Variants in ARMC8 observed in about 807,000 individuals in gnomAD.
ARMC8 encodes the protein armadillo repeat-containing protein 8.
A neutral mutation model predicts 99.3 loss-of-function variants in ARMC8; 20 were observed. That is an observed-to-expected ratio of 0.20 (90% CI 0.14 to 0.29). The LOEUF is 0.29. Among genes scored for constraint, ARMC8 ranks in the 10% least tolerant of loss-of-function variants. ARMC8 has a pLI of 1.00. For synonymous variants in ARMC8, 263 were observed against 278.3 expected (o/e 0.95, Z 0.55); for missense variants, 569 against 809.5 (o/e 0.70, Z 3.60).
intron 2 of ARMC8, 32 bp from the exon 3 acceptor site, chr3:138,221,894 A>T: frequency 6.5e-7 from 1 of 1,544,808 alleles, no homozygotes; most frequent in Non-Finnish European, 8.9e-7. Flanking sequence ...TGCTGTCTCA[A>T]CATACTTTAT....
At chr3:138,189,740 T>G (rs758719368) in intron 1 of ARMC8, among the ~76,000 whole-genome samples, 2 of 152,230 alleles carry the variant, frequency 1.3e-5, no homozygotes, top group Non-Finnish European at 2.9e-5. Context: ...TCATTGATTT[T>G]CCTGTACCCT....
intron 18 of ARMC8, among the ~76,000 whole-genome samples, chr3:138,283,992 A>G (rs2050170752): frequency 6.6e-6 from 1 of 152,336 alleles, no homozygotes; most frequent in Admixed American, 6.5e-5. Flanking sequence ...GAGGCCTAGG[A>G]AAGGGAGGCT....
Position 138,235,126 on chromosome 3 carries a change from A to G in ARMC8, c.609+12A>G, listed in dbSNP as rs772588208. The G allele has an allele frequency of 6.3e-7, 1 of 1,598,150 alleles. No homozygotes were observed. Among genetic ancestry groups the G allele is most frequent in the Non-Finnish European group, 8.6e-7 (1 of 1,166,194 alleles). ...CACTGTCCTACAAAGTAAGATGTTAAAAATTGTGGCCAGATTTGTATACCT... is the reference window on the plus strand; with the variant it reads ...CACTGTCCTACAAAGTAAGATGTTAGAAATTGTGGCCAGATTTGTATACCT... On this transcript the variant is annotated intron_variant, in intron 7 of 21. Transcript: ENST00000469044.
Position 138,205,060 on chromosome 3 carries a change from C to CTTTTTTT in ARMC8, c.46-4737_46-4731dup, listed in dbSNP as rs71146118. Among the ~76,000 whole-genome samples, 212 of 93,230 alleles carry CTTTTTTT rather than the reference C, an allele frequency of 2.3e-3. 13 individuals are homozygous for CTTTTTTT. Among genetic ancestry groups the CTTTTTTT allele is most frequent in the African/African-American group, 7.7e-3 (175 of 22,588 alleles). 61.2% of individuals were successfully genotyped at this position (93,230 alleles called of 152,430 possible). A position where few individuals can be genotyped will look rare whatever the true frequency, so the allele number is the denominator to read the frequency against. ...AACTCAGTCTCTTTTCTTTTCTTTTCTTTTTTTTTTTTTTTTTTTTTTTTT... is the reference window on the plus strand; with the variant it reads ...AACTCAGTCTCTTTTCTTTTCTTTTCTTTTTTTTTTTTTTTTTTTTTTTTTTTTTTTT... On this transcript the variant is annotated intron_variant, in intron 1 of 21. Coordinates refer to ENST00000469044, the MANE Select transcript of ARMC8 (RefSeq NM_001363941.2).
chr3:138,242,132 T>G lies in ARMC8; in HGVS notation c.1038+149T>G, dbSNP rs2046655562. The G allele has an allele frequency of 1.0e-5, 7 of 669,038 alleles. No individual in the cohort carries two copies. In the South Asian group the frequency reaches 1.4e-4, roughly 13 times the overall value. 41.4% of individuals were successfully genotyped at this position (669,038 alleles called of 1,614,324 possible). A position where few individuals can be genotyped will look rare whatever the true frequency, so the allele number is the denominator to read the frequency against. Reference sequence around the variant, plus strand: ...TTTGGTAACATAGATAATATTGCTTTGTGAATTTTTGAATCCAAGTTGTTT... The same window carrying G: ...TTTGGTAACATAGATAATATTGCTTGGTGAATTTTTGAATCCAAGTTGTTT... On this transcript the variant is annotated intron_variant, in intron 11 of 21. Transcript: ENST00000469044.
At chr3:138,290,699 T>C (rs999627142) in intron 21 of ARMC8, 60 bp downstream of exon 21, 23 of 1,113,116 alleles carry the variant, frequency 2.1e-5, no homozygotes, top group Middle Eastern at 2.0e-4. Context: ...CGTGAAAGGG[T>C]TTGAATTGCT....
chr3:138,291,557 T>C (rs1488157829), intron 21 of ARMC8, among the ~76,000 whole-genome samples: 1 of 152,148 alleles, frequency 6.6e-6, no homozygotes, highest in Non-Finnish European at 1.5e-5. Flanking sequence ...CATTCTAGTA[T>C]AGAAGATAGA....
rs756015440 is a variant in ARMC8, at chr3:138,274,435, C to G, written c.1630-14C>G. On this transcript the variant is annotated splice_polypyrimidine_tract_variant and intron_variant, in intron 17 of 21. Transcript: ENST00000469044. ...TGTTTCTTTGATAATTATGGATTTC[C>G]CATTGTTTTACAGCATATAGATAAA... 1.3e-6 allele frequency: 2 copies of G among 1,515,604 alleles called. No homozygotes were observed. Among genetic ancestry groups the G allele is most frequent in the Non-Finnish European group, 1.8e-6 (2 of 1,096,294 alleles). 93.9% of individuals were successfully genotyped at this position (1,515,604 alleles called of 1,614,324 possible).
At chr3:138,279,113 C>T (rs1404104037) in intron 18 of ARMC8, among the ~76,000 whole-genome samples, 1 of 152,178 alleles carries the variant, frequency 6.6e-6, no homozygotes, top group African/African-American at 2.4e-5. Context: ...GAAAAGCACT[C>T]AGTCTTTCAC....
At chr3:138,248,510 G>A (rs2046981827) in intron 12 of ARMC8, among the ~76,000 whole-genome samples, 1 of 152,204 alleles carries the variant, frequency 6.6e-6, no homozygotes, top group Admixed American at 6.5e-5. Flanking sequence ...ATTAAAAATG[G>A]AAGAAGTTAA....
At chr3:138,204,178 C>T (rs1576603672) in intron 1 of ARMC8, among the ~76,000 whole-genome samples, 1 of 152,262 alleles carries the variant, frequency 6.6e-6, no homozygotes, top group Middle Eastern at 3.4e-3. Flanking sequence ...ATTGCAACCT[C>T]CGCCTCTGTG....
chr3:138,292,320 G>A (rs144637835), intron 21 of ARMC8, among the ~76,000 whole-genome samples: 192 of 152,344 alleles, frequency 1.3e-3, no homozygotes, highest in African/African-American at 4.4e-3. Context: ...GATGACAGGC[G>A]TGAGCCACCA....
At chr3:138,206,605 G>C (rs990211401) in intron 1 of ARMC8, among the ~76,000 whole-genome samples, 1 of 152,082 alleles carries the variant, frequency 6.6e-6, no homozygotes, top group Non-Finnish European at 1.5e-5. Context: ...CTTTTTAGAC[G>C]TTCTTTCTCT....
intron 5 of ARMC8, among the ~76,000 whole-genome samples, chr3:138,225,172 A>G (rs1312547453): frequency 6.8e-6 from 1 of 146,664 alleles, no homozygotes; most frequent in Non-Finnish European, 1.5e-5. Context: ...CAGTGGAGGA[A>G]TCTCGGCCCT....
At chr3:138,201,261 A>G in intron 1 of ARMC8, among the ~76,000 whole-genome samples, 1 of 322 alleles carries the variant, frequency 3.1e-3, no homozygotes, top group African/African-American at 0.015. Flanking sequence ...TAGCTGTTTA[A>G]ATATTTTCTT....
chr3:138,234,979 A>G, intron 6 of ARMC8, 55 bp from the exon 7 acceptor site: 2 of 1,406,994 alleles, frequency 1.4e-6, no homozygotes, highest in South Asian at 2.3e-5. Flanking sequence ...ATGTGGTTTT[A>G]TTGGAATGAG....
rs71146121 is a variant in ARMC8, at chr3:138,256,402, C to CTTTTTTTTT, written c.1135-7320_1135-7312dup. Among the ~76,000 whole-genome samples, 66 of 90,274 alleles carry CTTTTTTTTT rather than the reference C, an allele frequency of 7.3e-4. 4 individuals carry two copies. The highest frequency in any genetic ancestry group is 2.5e-3 in the African/African-American group (56 of 22,048). 59.2% of individuals were successfully genotyped at this position (90,274 alleles called of 152,430 possible). A position where few individuals can be genotyped will look rare whatever the true frequency, so the allele number is the denominator to read the frequency against. ...TAAAGTATATCTTTTTTTCCTCCTT[C>CTTTTTTTTT]TTTTTTTTTTTTTTTTTTTTTTTTT... On this transcript the variant is annotated intron_variant, in intron 12 of 21. Transcript: ENST00000469044.
chr3:138,284,972 T>A (rs2050266502), intron 19 of ARMC8, among the ~76,000 whole-genome samples: 1 of 152,250 alleles, frequency 6.6e-6, no homozygotes, highest in Non-Finnish European at 1.5e-5. Flanking sequence ...CACCAGAGAC[T>A]GCCCATTGCC....
At chr3:138,229,542 A>T (rs2045931009) in intron 6 of ARMC8, among the ~76,000 whole-genome samples, 3 of 152,098 alleles carry the variant, frequency 2.0e-5, no homozygotes, top group Admixed American at 2.0e-4. Flanking sequence ...ACATTTTTAA[A>T]TAAAGATTAT....
Sources: gnomAD v4.1 joint callset for allele counts (sites outside exome capture counted in the v4.1 genomes callset) on GRCh38, gnomAD v4.1.1 for gene constraint, MANE v1.5 for transcripts, NCBI Gene and HGNC (gene_info 2026-07-23, HGNC 2026-07-21) for gene names.